NPAS2: variants seen among roughly 807,000 people sequenced by gnomAD.
NPAS2 encodes the protein neuronal PAS domain-containing protein 2.
In NPAS2, 23 loss-of-function variants were observed where a neutral mutation model predicts 107.5. That is an observed-to-expected ratio of 0.21 (90% confidence interval 0.15 to 0.30). The LOEUF (loss-of-function observed/expected upper bound fraction) is 0.30, where lower values mean the gene tolerates loss of function less well. Among genes scored for constraint, NPAS2 ranks in the 10% least tolerant of loss-of-function variants. The pLI, the probability that NPAS2 is intolerant of heterozygous loss-of-function variation, is 1.00. For missense variants in NPAS2, 756 were observed against 1,043.3 expected, an observed-to-expected ratio of 0.72 and a Z score of 3.79; for synonymous variants, 403 against 417.5, an observed-to-expected ratio of 0.97 and a Z score of 0.42.
At chr2:100,878,699 C>A in intron 1 of NPAS2, 1 of 652,870 alleles carries the variant, frequency 1.5e-6, no homozygotes, top group Non-Finnish European at 1.9e-6. Context: ...TGTAGATTCT[C>A]ACTGATACCC....
intron 19 of NPAS2, among the ~76,000 whole-genome samples, 163 bp from the exon 20 acceptor site, chr2:100,993,184 C>T (rs532775347): frequency 2.6e-5 from 4 of 152,256 alleles, no homozygotes; most frequent in East Asian, 1.9e-4. Flanking sequence ...CCGCCTGCCT[C>T]GGCCTCCCAA....
intron 15 of NPAS2, among the ~76,000 whole-genome samples, chr2:100,980,918 G>T (rs1677395880): frequency 6.6e-6 from 1 of 152,148 alleles, no homozygotes; most frequent in Non-Finnish European, 1.5e-5. Flanking sequence ...GGATTTACAT[G>T]TTGGTGCTGC....
intron 1 of NPAS2, among the ~76,000 whole-genome samples, chr2:100,848,699 A>G (rs1415624475): frequency 6.6e-6 from 1 of 152,264 alleles, no homozygotes; most frequent in Non-Finnish European, 1.5e-5. Context: ...AGAGCTGGAA[A>G]TGCATAAAGA....
At chr2:100,977,644 G>A in intron 14 of NPAS2, 66 bp from the exon 15 acceptor site, 1 of 1,420,614 alleles carries the variant, frequency 7.0e-7, no homozygotes. Flanking sequence ...ACCGGACCAA[G>A]AGACCACATC....
chr2:100,958,968 A>G (rs1432647841), intron 7 of NPAS2, among the ~76,000 whole-genome samples: 1 of 151,924 alleles, frequency 6.6e-6, no homozygotes, highest in Non-Finnish European at 1.5e-5. Flanking sequence ...AATCCAGCAA[A>G]TTGCAAAGCC....
intron 16 of NPAS2, chr2:100,987,131 TTCACCATATTG>T (rs1199589295): frequency 6.6e-6 from 1 of 152,244 alleles, no homozygotes; most frequent in Non-Finnish European, 1.5e-5. Context: ...GAGACAGGGT[TTCACCATATTG>T]GTTAGGCTGG....
At chr2:100,970,944 C>G in intron 11 of NPAS2, 46 bp from the exon 12 acceptor site, 2 of 1,563,558 alleles carry the variant, frequency 1.3e-6, no homozygotes, top group African/African-American at 2.7e-5. Context: ...GTCATCCCTT[C>G]CTGGAATGCC....
Position 100,946,205 on chromosome 2 carries a change from T to TTCC in NPAS2, c.364-2027_364-2025dup, listed in dbSNP as rs76255770. On this transcript the variant is annotated intron_variant, in intron 5 of 20. Coordinates refer to ENST00000335681, the MANE Select transcript of NPAS2 (RefSeq NM_002518.4). ...GGTGAGCTCATGGAACCTTCATGGT[T>TTCC]TCCTCACCTTGCAGCTGAGGAAAAT... is the stretch of plus-strand genomic sequence containing the variant. Among the ~76,000 whole-genome samples, 5 of 152,298 alleles carry TTCC rather than the reference T, an allele frequency of 3.3e-5. No individual in the cohort carries two copies. The East Asian group carries it at 9.7e-4, about 29-fold the overall frequency.
chr2:100,988,646 G>A (rs58530750), intron 17 of NPAS2: 4,523 of 326,512 alleles, frequency 0.014, 224 homozygotes, highest in African/African-American at 0.091. Context: ...CATGGTCCCC[G>A]CCATCTACTC....
In NPAS2 at chr2:100,841,792, G is replaced by A. The variant is rs573558909; in HGVS notation, c.-23+21378G>A. On this transcript the variant is annotated intron_variant, in intron 1 of 20. Coordinates refer to ENST00000335681, the MANE Select transcript of NPAS2 (RefSeq NM_002518.4). ...CATGCACACATATGCATACACACACGCATGCACAAATACATGTATATACCC... is the reference window on the plus strand; with the variant it reads ...CATGCACACATATGCATACACACACACATGCACAAATACATGTATATACCC... Among the ~76,000 whole-genome samples the A allele has an allele frequency of 1.3e-3, 203 of 151,976 alleles. 1 individual carries two copies. The highest frequency in any genetic ancestry group is 4.6e-3 in the South Asian group (22 of 4,806).
intron 3 of NPAS2, among the ~76,000 whole-genome samples, chr2:100,926,666 G>T (rs1250811638): frequency 6.6e-6 from 1 of 152,018 alleles, no homozygotes; most frequent in Non-Finnish European, 1.5e-5. Flanking sequence ...AGTGGTAAGA[G>T]TTCTCCATGT....
chr2:100,874,105 C>G (rs1477543309), intron 1 of NPAS2, among the ~76,000 whole-genome samples: 1 of 152,038 alleles, frequency 6.6e-6, no homozygotes, highest in Non-Finnish European at 1.5e-5. Flanking sequence ...CTGCCTCAGC[C>G]TTCTGAGTAG....
intron 5 of NPAS2, among the ~76,000 whole-genome samples, chr2:100,945,447 CT>C: frequency 6.6e-6 from 1 of 152,362 alleles, no homozygotes; most frequent in South Asian, 2.1e-4. Flanking sequence ...CCCTGTCTCT[CT>C]TGGGACCCTG....
chr2:100,820,297 C>A lies in NPAS2; in HGVS notation c.-140C>A. The A allele has an allele frequency of 6.9e-6, 1 of 144,592 alleles. No individual in the cohort carries two copies. The highest frequency in any genetic ancestry group is 1.9e-4 in the South Asian group (1 of 5,278). 9.0% of individuals were successfully genotyped at this position (144,592 alleles called of 1,614,324 possible). ...CAGCTAGAGCAGCGCCTCCCGCCGC[C>A]GCCCGGGAGGAGCTCGCCGCGCCCG... On this transcript the variant is annotated 5_prime_UTR_variant, in exon 1 of 21. Coordinates refer to ENST00000335681, the MANE Select transcript of NPAS2 (RefSeq NM_002518.4). The surrounding 1 kb of genome is among the most constrained non-coding windows in gnomAD (Gnocchi z 5.6).
At chr2:100,903,477 A>G (rs1681922620) in intron 1 of NPAS2, among the ~76,000 whole-genome samples, 1 of 152,246 alleles carries the variant, frequency 6.6e-6, no homozygotes, top group East Asian at 1.9e-4. Flanking sequence ...GCTCAGACCC[A>G]TGTTTGTGTA....
intron 5 of NPAS2, among the ~76,000 whole-genome samples, chr2:100,944,970 GTTTTCA>G (rs1265451502): frequency 6.6e-6 from 1 of 152,192 alleles, no homozygotes; most frequent in Non-Finnish European, 1.5e-5. Flanking sequence ...GAGTCACTTA[GTTTTCA>G]TTTTCAAGTA....
intron 1 of NPAS2, among the ~76,000 whole-genome samples, chr2:100,849,601 A>G (rs777426993): frequency 2.0e-5 from 3 of 152,222 alleles, no homozygotes; most frequent in Non-Finnish European, 4.4e-5. Flanking sequence ...CATGACTTCT[A>G]TATTTACAAA....
chr2:100,980,324 C>T (rs565995743), intron 15 of NPAS2, among the ~76,000 whole-genome samples: 2 of 152,154 alleles, frequency 1.3e-5, no homozygotes, highest in South Asian at 4.1e-4. Flanking sequence ...TTTTGTGTTT[C>T]GTTAAATACT....
At chr2:100,922,507 C>T (rs539657008) in intron 2 of NPAS2, among the ~76,000 whole-genome samples, 4 of 152,038 alleles carry the variant, frequency 2.6e-5, no homozygotes, top group East Asian at 1.9e-4. Flanking sequence ...CCCTTGAACC[C>T]GGGAGGTGGA....
Sources: gnomAD v4.1 joint callset for allele counts (sites outside exome capture counted in the v4.1 genomes callset) on GRCh38, gnomAD v4.1.1 for gene constraint, Gnocchi (gnomAD v3.1) non-coding constraint, MANE v1.5 for transcripts, NCBI Gene and HGNC (gene_info 2026-07-23, HGNC 2026-07-21) for gene names.